Variants in KCNIP4 observed in about 807,000 individuals in gnomAD.
The protein encoded by KCNIP4 is potassium voltage-gated channel interacting protein 4.
KCNIP4 carries 12 observed loss-of-function variants against 34.0 expected under a neutral mutation model. The observed-to-expected ratio is 0.35, with a 90% CI of 0.23 to 0.57. The LOEUF is 0.57. KCNIP4 is among the 20% of genes least tolerant of loss of function. The pLI is 0.83. For synonymous variants in KCNIP4, 124 were observed against 102.2 expected (o/e 1.21, Z -1.29); for missense variants, 238 against 311.7 (o/e 0.76, Z 1.78).
intron 5 of KCNIP4, 21 bp downstream of exon 5, chr4:20,749,641 T>C (rs761164144): frequency 2.6e-6 from 4 of 1,534,260 alleles, no homozygotes; most frequent in Admixed American, 1.7e-5. Flanking sequence ...TCAAATGATA[T>C]GAAAATAATC....
At chr4:21,583,628 C>A (rs1322888253) in intron 1 of KCNIP4, among the ~76,000 whole-genome samples, 1 of 151,864 alleles carries the variant, frequency 6.6e-6, no homozygotes, top group Non-Finnish European at 1.5e-5. Flanking sequence ...TAATGCAATT[C>A]CAATATAAAT....
intron 3 of KCNIP4, among the ~76,000 whole-genome samples, chr4:20,782,742 C>A (rs1756982407): frequency 6.6e-6 from 1 of 152,170 alleles, no homozygotes; most frequent in South Asian, 2.1e-4. Context: ...AGGTCTCTGA[C>A]ACACCCTGGA....
At chr4:21,232,162 C>T (rs1195466238) in intron 1 of KCNIP4, among the ~76,000 whole-genome samples, 1 of 152,046 alleles carries the variant, frequency 6.6e-6, no homozygotes, top group Non-Finnish European at 1.5e-5. Flanking sequence ...TTGTTCATTT[C>T]CCTGGTAAGC....
intron 3 of KCNIP4, among the ~76,000 whole-genome samples, chr4:20,779,708 C>G (rs1756700515): frequency 6.6e-6 from 1 of 151,770 alleles, no homozygotes; most frequent in African/African-American, 2.4e-5. Context: ...ATTGTCCTTA[C>G]AGGAGAGAGG....
intron 5 of KCNIP4, among the ~76,000 whole-genome samples, chr4:20,737,934 G>A (rs1443808587): frequency 6.6e-6 from 1 of 152,080 alleles, no homozygotes; most frequent in East Asian, 1.9e-4. Context: ...GAGTTTGCAA[G>A]CAGCCTGAGC....
At chr4:21,332,725 C>T (rs1310371805) in intron 1 of KCNIP4, among the ~76,000 whole-genome samples, 1 of 151,916 alleles carries the variant, frequency 6.6e-6, no homozygotes, top group East Asian at 1.9e-4. Flanking sequence ...CCCATTTCTT[C>T]CTGTGTTTAG....
At chr4:21,483,947 G>A (rs1472104445) in intron 1 of KCNIP4, among the ~76,000 whole-genome samples, 1 of 151,960 alleles carries the variant, frequency 6.6e-6, no homozygotes, top group Non-Finnish European at 1.5e-5. Flanking sequence ...CCAGGAAGCT[G>A]AGTAGATGCC....
intron 1 of KCNIP4, among the ~76,000 whole-genome samples, chr4:21,664,878 T>C (rs975484579): frequency 2.6e-5 from 4 of 152,214 alleles, no homozygotes; most frequent in African/African-American, 7.2e-5. Context: ...TATATAATTA[T>C]AAAATTATCA....
intron 1 of KCNIP4, among the ~76,000 whole-genome samples, chr4:21,403,763 A>C (rs1027344470): frequency 6.6e-6 from 1 of 152,104 alleles, no homozygotes; most frequent in African/African-American, 2.4e-5. Flanking sequence ...TCTGGTGGGG[A>C]CCCATGCTCT....
At chr4:21,530,514 A>C (rs1179950398) in intron 1 of KCNIP4, among the ~76,000 whole-genome samples, 1 of 152,184 alleles carries the variant, frequency 6.6e-6, no homozygotes, top group Non-Finnish European at 1.5e-5. Flanking sequence ...AATAATTTTT[A>C]AGATACCAGC....
chr4:20,982,014 A>G (rs1736111565), intron 1 of KCNIP4, among the ~76,000 whole-genome samples: 1 of 152,182 alleles, frequency 6.6e-6, no homozygotes, highest in Non-Finnish European at 1.5e-5. Context: ...TTGAAACTCA[A>G]ATTCGAAGTT....
chr4:20,913,887 G>T (rs375819942), intron 1 of KCNIP4, among the ~76,000 whole-genome samples: 1 of 151,996 alleles, frequency 6.6e-6, no homozygotes, highest in East Asian at 1.9e-4. Flanking sequence ...CAGGCGCGGT[G>T]GCTCATGCCT....
chr4:21,482,302 C>T (rs1731499431), intron 1 of KCNIP4, among the ~76,000 whole-genome samples: 1 of 152,072 alleles, frequency 6.6e-6, no homozygotes, highest in Non-Finnish European at 1.5e-5. Flanking sequence ...GAGCATTTAG[C>T]CCATTTACAT....
intron 1 of KCNIP4, among the ~76,000 whole-genome samples, chr4:21,430,624 G>T (rs933290395): frequency 1.3e-5 from 2 of 152,072 alleles, no homozygotes; most frequent in African/African-American, 4.8e-5. Flanking sequence ...AAGGGTTTAG[G>T]GTATGTCAAC....
chr4:21,121,957 G>A (rs1007938815), intron 1 of KCNIP4, among the ~76,000 whole-genome samples: 4 of 152,198 alleles, frequency 2.6e-5, no homozygotes, highest in African/African-American at 9.6e-5. Context: ...AGAGGATGAA[G>A]TATGTAAAAG....
intron 1 of KCNIP4, among the ~76,000 whole-genome samples, chr4:21,225,673 G>A (rs376331006): frequency 1.1e-4 from 16 of 152,134 alleles, no homozygotes; most frequent in African/African-American, 3.9e-4. Context: ...CAATAATCAT[G>A]GTGCATAGCA....
chr4:21,239,766 A>G (rs1189865361), intron 1 of KCNIP4, among the ~76,000 whole-genome samples: 1 of 152,176 alleles, frequency 6.6e-6, no homozygotes, highest in African/African-American at 2.4e-5. Flanking sequence ...ACACTTTTAC[A>G]CTGTTGGTGG....
chr4:21,094,618 T>G (rs2109052934), intron 1 of KCNIP4, among the ~76,000 whole-genome samples: 1 of 152,266 alleles, frequency 6.6e-6, no homozygotes, highest in South Asian at 2.1e-4. Flanking sequence ...GGTCTCACAT[T>G]GACTTGTGTA....
At chr4:20,810,976 G>T (rs925431193) in intron 3 of KCNIP4, among the ~76,000 whole-genome samples, 1 of 152,118 alleles carries the variant, frequency 6.6e-6, no homozygotes, top group Non-Finnish European at 1.5e-5. Context: ...GTGGACAAAG[G>T]AAATGAACTC....
Sources: allele counts gnomAD v4.1 joint callset (sites outside exome capture counted in the v4.1 genomes callset), GRCh38; gene constraint gnomAD v4.1.1; transcripts MANE v1.5; gene names NCBI Gene and HGNC (gene_info 2026-07-23, HGNC 2026-07-21).